DNAH6: variants seen among roughly 807,000 people sequenced by gnomAD.
DNAH6 encodes the protein dynein axonemal heavy chain 6.
DNAH6 carries 340 observed loss-of-function variants against 491.4 expected under a neutral mutation model. That is an observed-to-expected ratio of 0.69 (90% CI 0.63 to 0.76). The LOEUF is 0.76. Among genes scored for constraint, DNAH6 ranks in the 30% least tolerant of loss-of-function variants. The pLI, the probability that DNAH6 is intolerant of heterozygous loss-of-function variation, is 0.00. For synonymous variants in DNAH6, 1,603 were observed against 1,686.1 expected (o/e 0.95, Z 1.21); for missense variants, 4,443 against 4,972.2 (o/e 0.89, Z 3.20).
chr2:84,474,481 A>G, the DNAH6 span, among the ~76,000 whole-genome samples: 21 of 152,164 alleles, frequency 1.4e-4, no homozygotes, highest in African/African-American at 5.1e-4. Flanking sequence ...TGTTTGTCCT[A>G]TTAACTCTAA....
intron 59 of DNAH6, among the ~76,000 whole-genome samples, chr2:84,719,734 G>A (rs986396259): frequency 2.0e-5 from 3 of 151,552 alleles, no homozygotes; most frequent in Non-Finnish European, 2.9e-5. Context: ...ATGTTGCCCA[G>A]GCTAGTCTTA....
chr2:84,589,585 G>A (rs1483664417), intron 16 of DNAH6, among the ~76,000 whole-genome samples: 2 of 151,976 alleles, frequency 1.3e-5, no homozygotes, highest in Non-Finnish European at 2.9e-5. Context: ...GGTGGCACAT[G>A]CCTGTAGTCC....
chr2:84,460,327 A>G, the DNAH6 span, among the ~76,000 whole-genome samples: 2 of 152,244 alleles, frequency 1.3e-5, no homozygotes, highest in Non-Finnish European at 2.9e-5. Context: ...CTCATGGATC[A>G]TGTTCTTGTG....
chr2:84,670,616 T>G, intron 39 of DNAH6, 141 bp downstream of exon 39: 1 of 666,092 alleles, frequency 1.5e-6, no homozygotes, highest in East Asian at 2.9e-5. Flanking sequence ...TCATGGCATT[T>G]TTATGCTAGC....
intron 62 of DNAH6, among the ~76,000 whole-genome samples, chr2:84,740,262 A>G (rs1672388939): frequency 6.6e-6 from 1 of 152,118 alleles, no homozygotes; most frequent in African/African-American, 2.4e-5. Context: ...AGTCTAGTAG[A>G]TGGTGCTTAA....
chr2:84,737,501 CA>C (rs1699616337), intron 62 of DNAH6, among the ~76,000 whole-genome samples: 1 of 151,798 alleles, frequency 6.6e-6, no homozygotes, highest in Admixed American at 6.6e-5. Context: ...GATTGAACTT[CA>C]TTACTCATCA....
At chr2:84,560,604 C>A (rs902561766) in intron 11 of DNAH6, among the ~76,000 whole-genome samples, 1 of 151,318 alleles carries the variant, frequency 6.6e-6, no homozygotes, top group Non-Finnish European at 1.5e-5. Context: ...TGCTATCCCT[C>A]CCCGCTTCCC....
At chr2:84,529,283 T>C in intron 4 of DNAH6, 117 bp downstream of exon 4, 3 of 845,268 alleles carry the variant, frequency 3.5e-6, no homozygotes, top group South Asian at 4.2e-5. Flanking sequence ...TGGTTATCAT[T>C]CAATGATAAA....
intron 2 of DNAH6, among the ~76,000 whole-genome samples, chr2:84,522,054 G>A (rs1676198160): frequency 6.6e-6 from 1 of 152,050 alleles, no homozygotes. Context: ...TCTGTAAATT[G>A]CTTTGCACAG....
intron 2 of DNAH6, among the ~76,000 whole-genome samples, chr2:84,519,286 C>T (rs1334932643): frequency 1.3e-5 from 2 of 151,772 alleles, no homozygotes; most frequent in Non-Finnish European, 2.9e-5. Context: ...GCCTAAATTA[C>T]AGAATTTTTA....
intron 37 of DNAH6, among the ~76,000 whole-genome samples, chr2:84,660,206 C>G (rs1691367960): frequency 6.6e-6 from 1 of 151,994 alleles, no homozygotes; most frequent in African/African-American, 2.4e-5. Flanking sequence ...TACAAAACAA[C>G]TATTTTATGT....
chr2:84,787,227 G>A lies in DNAH6; in HGVS notation c.11164G>A (p.Glu3722Lys). The change falls in exon 68 of 77, where the codon GAA becomes AAA. Residue 3722 changes from glutamate to lysine, a missense_variant. Glu to Lys is a moderately conservative substitution (Grantham distance 56, BLOSUM62 1). Around this residue, in one of 3 missense-constraint regions of DNAH6, gnomAD observed 1,463 missense variants for 1,656.6 expected, o/e 0.88. Transcript: ENST00000389394. The stretch of plus-strand genomic sequence containing the variant: ...CTATGAATTTAATGACAGTGACAGG[G>A]AATGTGCTTTACTGAATCTCAAACT... ...ICYEFNDSDR[E>K]CALLNLKLYC... 1 of 1,543,694 alleles carries A rather than the reference G, an allele frequency of 6.5e-7. No homozygotes were observed. Among genetic ancestry groups the A allele is most frequent in the Non-Finnish European group, 8.8e-7 (1 of 1,140,920 alleles).
At chr2:84,811,677 A>G (rs1030977404) in intron 72 of DNAH6, among the ~76,000 whole-genome samples, 1 of 152,142 alleles carries the variant, frequency 6.6e-6, no homozygotes, top group African/African-American at 2.4e-5. Flanking sequence ...CCTGGCCAAC[A>G]TGGCAAAACC....
intron 11 of DNAH6, among the ~76,000 whole-genome samples, chr2:84,568,037 C>T (rs1681394797): frequency 6.6e-6 from 1 of 152,152 alleles, no homozygotes; most frequent in African/African-American, 2.4e-5. Flanking sequence ...GAGATACCAT[C>T]TCACACAGTC....
the DNAH6 span, among the ~76,000 whole-genome samples, chr2:84,506,882 T>C: frequency 2.0e-5 from 3 of 152,084 alleles, no homozygotes; most frequent in African/African-American, 4.8e-5. Context: ...GTTGTAGATA[T>C]GTGGCATTAT....
At chr2:84,592,457 G>A (rs929892470) in intron 16 of DNAH6, among the ~76,000 whole-genome samples, 1 of 152,168 alleles carries the variant, frequency 6.6e-6, no homozygotes, top group African/African-American at 2.4e-5. Flanking sequence ...ATATTGGCAA[G>A]GATGTGAAGA....
At chr2:84,578,598 C>T (rs1435894581) in intron 13 of DNAH6, among the ~76,000 whole-genome samples, 7 of 152,120 alleles carry the variant, frequency 4.6e-5, no homozygotes, top group Admixed American at 6.5e-5. Flanking sequence ...TCAAAAGCTC[C>T]ACAAGCCAAT....
chr2:84,685,175 C>T, intron 42 of DNAH6, 151 bp from the exon 43 acceptor site: 1 of 454,210 alleles, frequency 2.2e-6, no homozygotes, highest in Non-Finnish European at 3.8e-6. Context: ...AATGAGGTCA[C>T]TATTAGTATA....
At chr2:84,549,836 A>G (rs1382120882) in intron 8 of DNAH6, 53 bp from the exon 9 acceptor site, 1 of 1,337,872 alleles carries the variant, frequency 7.5e-7, no homozygotes. Context: ...ACTGTCAAAA[A>G]TATGTAGTGA....
Sources: gnomAD v4.1 joint callset for allele counts (sites outside exome capture counted in the v4.1 genomes callset) on GRCh38, gnomAD v4.1.1 for gene constraint, gnomAD v4.1.1 regional missense constraint, MANE v1.5 for transcripts, NCBI Gene and HGNC (gene_info 2026-07-23, HGNC 2026-07-21) for gene names.